The following DLG5 variants were observed in gnomAD, a reference collection of about 807,000 sequenced individuals.
DLG5 encodes the protein discs large MAGUK scaffold protein 5, also known as disks large homolog 5.
In DLG5, 48 loss-of-function variants were observed where a neutral mutation model predicts 189.8. The observed-to-expected ratio is 0.25, with a 90% CI of 0.20 to 0.32. The LOEUF (loss-of-function observed/expected upper bound fraction) is 0.32, where lower values mean the gene tolerates loss of function less well. Ranked by LOEUF, DLG5 falls within the 10% of genes least tolerant of loss-of-function variation. The pLI is 1.00. For synonymous variants in DLG5, 1,016 were observed against 1,054.1 expected, an observed-to-expected ratio of 0.96 and a Z score of 0.70; for missense variants, 2,160 against 2,544.7, an observed-to-expected ratio of 0.85 and a Z score of 3.25.
At position 77,856,891 on chromosome 10, in the gene DLG5, G is replaced by A. The variant is rs1844262216; in HGVS notation, c.375C>T (p.Gly125=). 1 of 1,609,812 alleles carries A rather than the reference G, an allele frequency of 6.2e-7. No homozygotes were observed. The highest frequency in any genetic ancestry group is 8.5e-7 in the Non-Finnish European group (1 of 1,178,564). ...GTGGGGACGGCGCCTTCCCGGTAGT[G>A]CCTGTGGAAGGGGAATAATAAAGTG... ...SESSSSLSSV[G]TTGKAPSPPP... The change falls in exon 3 of 32, where the codon GGC becomes GGT. Residue 125 remains glycine, a splice_region_variant and synonymous_variant. Coordinates refer to ENST00000372391, the MANE Select transcript of DLG5 (RefSeq NM_004747.4).
intron 1 of DLG5, among the ~76,000 whole-genome samples, chr10:77,904,697 C>T (rs1846023228): frequency 6.6e-6 from 1 of 151,856 alleles, no homozygotes; most frequent in Non-Finnish European, 1.5e-5. Context: ...TGCCTTTTGC[C>T]CTCTGCCATG....
intron 1 of DLG5, among the ~76,000 whole-genome samples, chr10:77,901,166 C>A (rs1015421897): frequency 6.6e-6 from 1 of 152,000 alleles, no homozygotes; most frequent in African/African-American, 2.4e-5. Flanking sequence ...AATCCCTTTC[C>A]TTGGATGTGT....
rs772820112 is a variant in DLG5 at position 77,795,009 on chromosome 10, GC to G, written c.5437-52del. On this transcript the variant is annotated intron_variant, in intron 29 of 31. Coordinates refer to ENST00000372391, the MANE Select transcript of DLG5 (RefSeq NM_004747.4). ...CCTGGCGGGCAGTGAGGGGCAGCCA[GC>G]CCCCTGTCCTGCCACCAGCAGGACC... The G allele has an allele frequency of 4.0e-6, 6 of 1,509,310 alleles. No individual in the cohort carries two copies. In the African/African-American group the frequency reaches 5.5e-5, roughly 14 times the overall value. 93.5% of individuals were successfully genotyped at this position (1,509,310 alleles called of 1,614,324 possible).
chr10:77,853,878 G>C (rs983987495), intron 4 of DLG5, among the ~76,000 whole-genome samples: 1 of 152,166 alleles, frequency 6.6e-6, no homozygotes, highest in Non-Finnish European at 1.5e-5. Context: ...GGGATGCTGG[G>C]AGACCAAAGG....
chr10:77,880,824 A>G (rs149373226), intron 1 of DLG5, among the ~76,000 whole-genome samples: 93 of 152,300 alleles, frequency 6.1e-4, no homozygotes, highest in Non-Finnish European at 1.0e-3. Flanking sequence ...CAACAATCCT[A>G]CAAGGTGGGC....
chr10:77,927,093 C>A, upstream of DLG5: 1 of 180,206 alleles, frequency 5.5e-6, no homozygotes, highest in South Asian at 1.3e-4. Context: ...GCCACAGCCC[C>A]GCCGCCGCCG....
chr10:77,880,196 G>A (rs928466271), intron 1 of DLG5, among the ~76,000 whole-genome samples: 2 of 152,162 alleles, frequency 1.3e-5, no homozygotes, highest in Non-Finnish European at 2.9e-5. Flanking sequence ...GCTCACACCT[G>A]TAATCCTAGC....
Position 77,821,903 on chromosome 10 carries a change from G to C in DLG5, c.2581C>G (p.Pro861Ala). 6.2e-7 allele frequency: 1 copy of C among 1,614,216 alleles called. No individual in the cohort carries two copies. Among genetic ancestry groups the C allele is most frequent in the Non-Finnish European group, 8.5e-7 (1 of 1,180,038 alleles). ...RLEDRKEPGP[P>A]GGSSSFLHKP... ...TGCAGAAAGGAGCTGCTGCCTCCTG[G>C]GGGGCCTGGCTCCTTCCTGTCTTCC... is the stretch of plus-strand genomic sequence containing the variant. The change falls in exon 15 of 32, where the codon CCA (proline) becomes GCA (alanine). Residue 861 changes from proline (P) to alanine (A), a missense_variant. This residue lies in a region of DLG5 where 754 missense variants were observed against 746.5 expected (regional missense o/e 1.01). Transcript: ENST00000372391.
At chr10:77,804,996 G>A (rs1330493893) in intron 27 of DLG5, among the ~76,000 whole-genome samples, 2 of 152,056 alleles carry the variant, frequency 1.3e-5, no homozygotes, top group Non-Finnish European at 2.9e-5. Flanking sequence ...TTTGAGACAG[G>A]ATCTTGCTCT....
At chr10:77,806,010 CG>C (rs764014393) in intron 26 of DLG5, 149 bp from the exon 27 acceptor site, 296 of 728,318 alleles carry the variant, frequency 4.1e-4, no homozygotes, top group Non-Finnish European at 6.2e-4. Flanking sequence ...TCTCCTCCCA[CG>C]CCCCTGGGAA....
In DLG5 at chr10:77,926,710, C is replaced by T. The variant is rs190519129; in HGVS notation, c.-190G>A. ...GCGGCGCTCAGCAGCGGCCGCCTCC[C>T]GGGCTCCGGAGCGCAGCCATGTTGG... On this transcript the variant is annotated 5_prime_UTR_variant, in exon 1 of 32. Coordinates refer to ENST00000372391, the MANE Select transcript of DLG5 (RefSeq NM_004747.4). This position sits in a 1 kb window ranked among gnomAD's most constrained non-coding sequence, Gnocchi z 5.2. 6,603 of 175,364 alleles carry T rather than the reference C, an allele frequency of 0.038. 494 individuals carry two copies. The highest frequency in any genetic ancestry group is 0.15 in the African/African-American group (6,228 of 41,656). The allele number at this position is 175,364 out of a possible 1,614,324, so 10.9% of individuals were successfully genotyped here. A position where few individuals can be genotyped will look rare whatever the true frequency, so the allele number is the denominator to read the frequency against.
At chr10:77,858,553 G>A (rs1028299837) in intron 2 of DLG5, among the ~76,000 whole-genome samples, 9 of 151,936 alleles carry the variant, frequency 5.9e-5, no homozygotes, top group African/African-American at 2.2e-4. Flanking sequence ...TGGGAGGATC[G>A]CCTGAGCCCA....
chr10:77,854,407 C>T (rs764125256), intron 3 of DLG5, 37 bp from the exon 4 acceptor site: 1 of 1,610,778 alleles, frequency 6.2e-7, no homozygotes, highest in Admixed American at 1.7e-5. Context: ...GAACACAGGC[C>T]CCAGGATTCA....
chr10:77,828,486 C>CAAAAAAAA (rs34839290), intron 13 of DLG5, among the ~76,000 whole-genome samples: 31 of 66,308 alleles, frequency 4.7e-4, no homozygotes, highest in Middle Eastern at 0.013. Context: ...GACTCCATAT[C>CAAAAAAAA]AAAAAAAAAA....
intron 1 of DLG5, among the ~76,000 whole-genome samples, chr10:77,921,524 GGT>G (rs1180684850): frequency 2.0e-5 from 3 of 152,174 alleles, no homozygotes; most frequent in Non-Finnish European, 4.4e-5. Context: ...TAGCCATTAA[GGT>G]CCTCCAGATT....
chr10:77,800,721 G>A (rs1281603934), intron 27 of DLG5, among the ~76,000 whole-genome samples: 1 of 152,236 alleles, frequency 6.6e-6, no homozygotes, highest in Non-Finnish European at 1.5e-5. Context: ...TTCCCTTAAA[G>A]CCATTTGCCA....
rs572411933 is a variant in DLG5, at chr10:77,918,934, G to A, written c.304+7283C>T. Among the ~76,000 whole-genome samples, 9 of 152,220 alleles carry A rather than the reference G, an allele frequency of 5.9e-5. No individual in the cohort carries two copies. The East Asian group carries it at 7.7e-4, about 13-fold the overall frequency. Reference sequence around the variant, plus strand: ...GTGGGACAAAAAAAAATGAGACAACGGCCGAGAGTGGTGGCTCATGCCTAT... The same window carrying A: ...GTGGGACAAAAAAAAATGAGACAACAGCCGAGAGTGGTGGCTCATGCCTAT... On this transcript the variant is annotated intron_variant, in intron 1 of 31. Coordinates refer to ENST00000372391, the MANE Select transcript of DLG5 (RefSeq NM_004747.4).
At chr10:77,844,480 C>G (rs1253995647) in intron 5 of DLG5, among the ~76,000 whole-genome samples, 1 of 152,170 alleles carries the variant, frequency 6.6e-6, no homozygotes, top group Non-Finnish European at 1.5e-5. Flanking sequence ...AGCCCAGAAT[C>G]AGGTTATGTA....
At chr10:77,855,863 G>A (rs1312521977) in intron 3 of DLG5, among the ~76,000 whole-genome samples, 5 of 152,158 alleles carry the variant, frequency 3.3e-5, no homozygotes, top group African/African-American at 1.2e-4. Flanking sequence ...GGGAGCTAAA[G>A]GATAAACCAC....
Sources: gnomAD v4.1 joint callset for allele counts (sites outside exome capture counted in the v4.1 genomes callset) on GRCh38, gnomAD v4.1.1 for gene constraint, gnomAD v4.1.1 regional missense constraint, Gnocchi (gnomAD v3.1) non-coding constraint, MANE v1.5 for transcripts, NCBI Gene and HGNC (gene_info 2026-07-23, HGNC 2026-07-21) for gene names.